The following HDX variants were observed in gnomAD, a reference collection of about 807,000 sequenced individuals.
HDX encodes the protein chromosome X open reading frame 43.
In HDX, 19 loss-of-function variants were observed where a neutral mutation model predicts 45.2. The observed-to-expected ratio is 0.42, with a 90% CI of 0.29 to 0.62. The LOEUF (loss-of-function observed/expected upper bound fraction) is 0.62. Ranked by LOEUF, HDX falls within the 20% of genes least tolerant of loss-of-function variation. The pLI is 0.20. For synonymous variants in HDX, 188 were observed against 172.8 expected (o/e 1.09, Z -0.69); for missense variants, 532 against 493.9 (o/e 1.08, Z -0.73).
intron 8 of HDX, among the ~76,000 whole-genome samples, chrX:84,335,262 G>A (rs770781658): frequency 9.0e-6 from 1 of 110,563 alleles, no homozygotes; most frequent in African/African-American, 3.3e-5. Context: ...GCAAAAAGGA[G>A]CTAGGCAATT....
intron 5 of HDX, among the ~76,000 whole-genome samples, chrX:84,408,161 T>A (rs1430349165): frequency 9.0e-6 from 1 of 111,205 alleles, no homozygotes. Context: ...TCTTCCAGGG[T>A]TTTTATAGTT....
At chrX:84,378,362 A>C (rs760486033) in intron 5 of HDX, among the ~76,000 whole-genome samples, 9 of 111,580 alleles carry the variant, frequency 8.1e-5, no homozygotes, top group African/African-American at 2.9e-4. Flanking sequence ...ATATTATAAC[A>C]CCATAACTGT....
intron 5 of HDX, among the ~76,000 whole-genome samples, chrX:84,369,216 A>C (rs1372002135): frequency 1.8e-5 from 2 of 112,001 alleles, no homozygotes; most frequent in Admixed American, 9.5e-5. Context: ...AATGTCCTCA[A>C]AGTTTATCTA....
At chrX:84,424,005 G>A (rs1011409271) in intron 5 of HDX, among the ~76,000 whole-genome samples, 1 of 111,067 alleles carries the variant, frequency 9.0e-6, no homozygotes, top group African/African-American at 3.3e-5. Flanking sequence ...AAGGGCATCC[G>A]AATTGGATTG....
intron 5 of HDX, among the ~76,000 whole-genome samples, chrX:84,382,526 G>T (rs1388719177): frequency 6.3e-5 from 7 of 111,786 alleles, no homozygotes; most frequent in Admixed American, 1.9e-4. Context: ...AAAAGTATAA[G>T]ATTCAGTCAT....
chrX:84,484,645 A>C (rs1489135520), intron 2 of HDX, among the ~76,000 whole-genome samples: 1 of 112,000 alleles, frequency 8.9e-6, no homozygotes, highest in East Asian at 2.8e-4. Flanking sequence ...TCCTACCAAT[A>C]GCATGTAAGT....
rs569272476 is a variant in HDX, at chrX:84,474,520, G to A, written c.147+731C>T. ...TTTCTCTTTCCTAAATTAGCCTAAT[G>A]AATGCCAAGCAGGAGAAAGTTGCTA... On this transcript the variant is annotated intron_variant, in intron 3 of 10. Transcript: ENST00000373177. Among the ~76,000 whole-genome samples, 5 of 111,635 alleles carry A rather than the reference G, an allele frequency of 4.5e-5. No homozygotes were observed. The South Asian group carries it at 1.9e-3, about 42-fold the overall frequency.
At chrX:84,333,339 A>G (rs1016134070) in intron 9 of HDX, among the ~76,000 whole-genome samples, 2 of 111,683 alleles carry the variant, frequency 1.8e-5, no homozygotes, top group African/African-American at 6.5e-5. Flanking sequence ...AACTTCTCCT[A>G]TAACAGCTGT....
chrX:84,474,548 C>T (rs993545212), intron 3 of HDX, among the ~76,000 whole-genome samples: 2 of 111,729 alleles, frequency 1.8e-5, no homozygotes, highest in African/African-American at 6.5e-5. Flanking sequence ...AGTTGCTAAT[C>T]TTTCAATCAC....
At chrX:84,501,847 G>T (rs2148223953) in intron 1 of HDX, among the ~76,000 whole-genome samples, 1 of 111,190 alleles carries the variant, frequency 9.0e-6, no homozygotes, top group African/African-American at 3.3e-5. Flanking sequence ...CCGAAACAGC[G>T]CCTGTGCAAA....
intron 4 of HDX, among the ~76,000 whole-genome samples, chrX:84,459,436 G>A (rs1451919273): frequency 1.1e-4 from 11 of 102,568 alleles, no homozygotes; most frequent in East Asian, 3.0e-4. Context: ...AGCGAGACTC[G>A]ATCTCAAAAA....
At chrX:84,363,081 C>T (rs1022868327) in intron 5 of HDX, among the ~76,000 whole-genome samples, 2 of 111,714 alleles carry the variant, frequency 1.8e-5, no homozygotes, top group Non-Finnish European at 3.8e-5. Flanking sequence ...TAAATCTTTT[C>T]TCTCCTACTT....
chrX:84,472,105 TA>T lies in HDX; in HGVS notation c.148-2531del, dbSNP rs776008488. ...ATCTGGAGGGCAGCTCTGGGCCACT[TA>T]AAAAAAAAAACACACAACGTAACCT... On this transcript the variant is annotated intron_variant, in intron 3 of 10. Coordinates refer to ENST00000373177, the MANE Select transcript of HDX (RefSeq NM_001177479.2). Among the ~76,000 whole-genome samples the T allele has an allele frequency of 7.9e-3, 816 of 103,538 alleles. 6 individuals carry two copies. Among genetic ancestry groups the T allele is most frequent in the Middle Eastern group, 0.024 (5 of 208 alleles). 89.9% of individuals were successfully genotyped at this position (103,538 alleles called of 115,157 possible). A position where few individuals can be genotyped will look rare whatever the true frequency, so the allele number is the denominator to read the frequency against.
At chrX:84,435,855 T>C (rs1183613756) in intron 5 of HDX, among the ~76,000 whole-genome samples, 1 of 92,277 alleles carries the variant, frequency 1.1e-5, no homozygotes, top group African/African-American at 4.0e-5. Flanking sequence ...TCAACCATTG[T>C]GGAAGTCAGT....
intron 7 of HDX, among the ~76,000 whole-genome samples, chrX:84,338,312 C>T (rs762976615): frequency 1.8e-5 from 2 of 110,514 alleles, no homozygotes; most frequent in Non-Finnish European, 3.8e-5. Context: ...TTTGTCTCCT[C>T]TGCTATATTT....
intron 4 of HDX, among the ~76,000 whole-genome samples, chrX:84,468,086 C>G (rs1204950367): frequency 2.7e-5 from 3 of 111,164 alleles, no homozygotes; most frequent in African/African-American, 9.8e-5. Context: ...CACCACTCAT[C>G]TAGTGACAGC....
At chrX:84,377,764 A>T (rs2038091945) in intron 5 of HDX, among the ~76,000 whole-genome samples, 1 of 111,230 alleles carries the variant, frequency 9.0e-6, no homozygotes, top group African/African-American at 3.3e-5. Flanking sequence ...TAGAAAATAG[A>T]CTCAAAAGGG....
chrX:84,340,453 G>A (rs977322233), intron 7 of HDX, among the ~76,000 whole-genome samples: 3 of 109,749 alleles, frequency 2.7e-5, no homozygotes, highest in Admixed American at 1.9e-4. Flanking sequence ...AAATACTATG[G>A]GCAGCTAATT....
chrX:84,333,833 T>C lies in HDX; in HGVS notation c.1750A>G (p.Ile584Val). The change falls in exon 9 of 11, where the codon ATT becomes GTT. Residue 584 changes from isoleucine (I) to valine (V), a missense_variant. Ile to Val is a conservative substitution (Grantham distance 29). Transcript: ENST00000373177. ...AVTTDNVKIEIIDDEESDMIS... is the reference protein window; with the variant it reads ...AVTTDNVKIEVIDDEESDMIS... ...ATGTCACTTTCTTCATCATCAATAA[T>C]TTCTATTTTCTGTAACACAAGTAGA... 1 of 891,827 alleles carries C rather than the reference T, an allele frequency of 1.1e-6. No individual in the cohort carries two copies. The highest frequency in any genetic ancestry group is 1.6e-6 in the Non-Finnish European group (1 of 620,511). 73.5% of individuals were successfully genotyped at this position (891,827 alleles called of 1,213,427 possible).
Sources: gnomAD v4.1 joint callset for allele counts (sites outside exome capture counted in the v4.1 genomes callset) on GRCh38, gnomAD v4.1.1 for gene constraint, MANE v1.5 for transcripts, NCBI Gene and HGNC (gene_info 2026-07-23, HGNC 2026-07-21) for gene names.